Variants in SLC28A2 observed in about 807,000 individuals in gnomAD.
SLC28A2 encodes sodium/nucleoside cotransporter 2.
In SLC28A2, 69 loss-of-function variants were observed where a neutral mutation model predicts 72.9. That is an observed-to-expected ratio of 0.95 (90% CI 0.78 to 1.16). The LOEUF (loss-of-function observed/expected upper bound fraction) is 1.16, where lower values mean the gene tolerates loss of function less well. Ranked by LOEUF, SLC28A2 falls within the 50% of genes most tolerant of loss-of-function variation. The pLI is 0.00. For missense variants in SLC28A2, 745 were observed against 791.1 expected (o/e 0.94, Z 0.70); for synonymous variants, 296 against 294.1 (o/e 1.01, Z -0.07).
intron 9 of SLC28A2, 119 bp from the exon 10 acceptor site, chr15:45,265,962 C>A: frequency 1.3e-6 from 1 of 771,390 alleles, no homozygotes; most frequent in Non-Finnish European, 2.2e-6. Context: ...CCTAGGCTTG[C>A]TGCTCTACTT....
intron 10 of SLC28A2, 35 bp downstream of exon 10, chr15:45,266,196 C>T: frequency 7.1e-7 from 1 of 1,411,098 alleles, no homozygotes; most frequent in South Asian, 1.2e-5. Context: ...CTTCTTCCCT[C>T]TGAGGAACTG....
intron 3 of SLC28A2, among the ~76,000 whole-genome samples, chr15:45,260,344 AGAGTG>A (rs1206206374): frequency 1.1e-4 from 17 of 152,228 alleles, no homozygotes; most frequent in Non-Finnish European, 2.2e-4. Flanking sequence ...CCCAGGGCAC[AGAGTG>A]GAGTGGAGAG....
At chr15:45,255,260 A>AAAAAAAAGAAG (rs1555430625) in intron 3 of SLC28A2, 1 of 151,498 alleles carries the variant, frequency 6.6e-6, no homozygotes, top group Non-Finnish European at 1.5e-5. Context: ...TCTTGAAAAA[A>AAAAAAAAGAAG]AAAAAAGAAG....
intron 15 of SLC28A2, among the ~76,000 whole-genome samples, chr15:45,270,804 T>TTA (rs1900530411): frequency 6.6e-6 from 1 of 151,646 alleles, no homozygotes; most frequent in African/African-American, 2.4e-5. Flanking sequence ...TATTATTATT[T>TTA]TTTTTGTATT....
chr15:45,276,576 T>C lies in SLC28A2; in HGVS notation c.*1063T>C, dbSNP rs1188504980. The C allele has an allele frequency of 1.3e-5, 2 of 152,050 alleles. No individual in the cohort carries two copies. Among genetic ancestry groups the C allele is most frequent in the Non-Finnish European group, 2.9e-5 (2 of 68,010 alleles). The allele number at this position is 152,050 out of a possible 1,614,324, so 9.4% of individuals were successfully genotyped here. A position where few individuals can be genotyped will look rare whatever the true frequency, so the allele number is the denominator to read the frequency against. On this transcript the variant is annotated 3_prime_UTR_variant, in exon 18 of 18. Coordinates refer to ENST00000347644, the MANE Select transcript of SLC28A2 (RefSeq NM_004212.4). ...AATAAATAAAAGAAAAAATAAGTAT[T>C]ACTATGTCAAAAAAGTCTTACAAAT...
chr15:45,271,102 A>G (rs1389532691), intron 15 of SLC28A2, among the ~76,000 whole-genome samples: 1 of 152,234 alleles, frequency 6.6e-6, no homozygotes, highest in African/African-American at 2.4e-5. Context: ...GCAAGTACCA[A>G]ATGTTAAAGG....
intron 17 of SLC28A2, among the ~76,000 whole-genome samples, chr15:45,274,031 T>C (rs1900673153): frequency 6.6e-6 from 1 of 151,986 alleles, no homozygotes; most frequent in Non-Finnish European, 1.5e-5. Context: ...ACTCAAGGGA[T>C]CCTCCCATCT....
chr15:45,267,424 T>G (rs1900372386), intron 10 of SLC28A2, 31 bp from the exon 11 acceptor site: 1 of 1,613,404 alleles, frequency 6.2e-7, no homozygotes, highest in African/African-American at 1.3e-5. Context: ...TACACCTTCT[T>G]GGAATCTGAC....
chr15:45,266,139 C>T lies in SLC28A2; in HGVS notation c.920C>T (p.Ala307Val), dbSNP rs1347089469. The change falls in exon 10 of 18, where the codon GCA becomes GTA. Residue 307 changes from alanine (A) to valine (V), a missense_variant. Coordinates refer to ENST00000347644, the MANE Select transcript of SLC28A2 (RefSeq NM_004212.4). ...ACTGCTACAGAGACCCTGGCTGTGGCAGGAAACATCTTTGTGGGTATGGTA... is the reference window on the plus strand; with the variant it reads ...ACTGCTACAGAGACCCTGGCTGTGGTAGGAAACATCTTTGTGGGTATGGTA... The part of the protein sequence containing the change: ...GTTATETLAV[A>V]GNIFVGMTEA... The T allele has an allele frequency of 6.2e-7, 1 of 1,613,478 alleles. No individual in the cohort carries two copies. The highest frequency in any genetic ancestry group is 2.2e-5 in the East Asian group (1 of 44,884).
In SLC28A2 at chr15:45,270,058, T is replaced by G. The variant is rs906118380; in HGVS notation, c.1567-137T>G. ...ATAGTAACTCAGGGAACAGTTGTTT[T>G]CTGAGCATCCTTTCATGTTCCTTGG... On this transcript the variant is annotated intron_variant, in intron 14 of 17. Coordinates refer to ENST00000347644, the MANE Select transcript of SLC28A2 (RefSeq NM_004212.4). 9 of 649,904 alleles carry G rather than the reference T, an allele frequency of 1.4e-5. No individual in the cohort carries two copies. The Admixed American group carries it at 2.2e-4, about 16-fold the overall frequency. The allele number at this position is 649,904 out of a possible 1,614,324, so 40.3% of individuals were successfully genotyped here. A position where few individuals can be genotyped will look rare whatever the true frequency, so the allele number is the denominator to read the frequency against.
intron 3 of SLC28A2, among the ~76,000 whole-genome samples, chr15:45,260,992 G>A (rs2140565401): frequency 6.6e-6 from 1 of 152,316 alleles, no homozygotes; most frequent in Admixed American, 6.5e-5. Context: ...AACTGGGAGT[G>A]TGTTAGATGG....
intron 6 of SLC28A2, 116 bp downstream of exon 6, chr15:45,264,138 C>G: frequency 1.0e-6 from 1 of 989,784 alleles, no homozygotes; most frequent in Non-Finnish European, 1.4e-6. Context: ...TTCATAACAA[C>G]CCCTAGAATT....
chr15:45,259,598 TTATC>T (rs1313050739), intron 3 of SLC28A2, among the ~76,000 whole-genome samples: 3 of 152,228 alleles, frequency 2.0e-5, no homozygotes, highest in Admixed American at 1.3e-4. Context: ...TTTTATGAGT[TTATC>T]TATCTACCTA....
intron 4 of SLC28A2, 38 bp downstream of exon 4, chr15:45,262,144 TTA>T (rs1900182724): frequency 2.7e-6 from 4 of 1,457,470 alleles, no homozygotes; most frequent in African/African-American, 1.4e-5. Flanking sequence ...AGAAACACAG[TTA>T]TTTTAGAAAT....
At chr15:45,253,401 T>C (rs371137980) in intron 2 of SLC28A2, 31 bp from the exon 3 acceptor site, 32 of 1,594,476 alleles carry the variant, frequency 2.0e-5, no homozygotes, top group Non-Finnish European at 2.6e-5. Context: ...CAGGGCTCCA[T>C]GACTGATCCC....
At chr15:45,268,627 G>C (rs899963034) in intron 13 of SLC28A2, among the ~76,000 whole-genome samples, 1 of 152,160 alleles carries the variant, frequency 6.6e-6, no homozygotes, top group African/African-American at 2.4e-5. Context: ...CAGGGATCTA[G>C]AACTAGAAAT....
At chr15:45,266,980 T>C (rs920924229) in intron 10 of SLC28A2, among the ~76,000 whole-genome samples, 2 of 152,316 alleles carry the variant, frequency 1.3e-5, no homozygotes, top group Admixed American at 1.3e-4. Flanking sequence ...CCCTTCATAA[T>C]TTCATAACAT....
chr15:45,272,835 C>T (rs778522879), intron 17 of SLC28A2, 51 bp downstream of exon 17: 3 of 925,272 alleles, frequency 3.2e-6, no homozygotes, highest in African/African-American at 3.2e-5. Flanking sequence ...CTCAGGTCTC[C>T]ACGGTAATGC....
At position 45,275,728 on chromosome 15, in the gene SLC28A2, G is replaced by A. The variant is rs1900735702; in HGVS notation, c.*215G>A. 3 of 435,330 alleles carry A rather than the reference G, an allele frequency of 6.9e-6. No homozygotes were observed. Among genetic ancestry groups the A allele is most frequent in the Admixed American group, 4.0e-5 (1 of 25,186 alleles). The allele number at this position is 435,330 out of a possible 1,614,324, so 27.0% of individuals were successfully genotyped here. On this transcript the variant is annotated 3_prime_UTR_variant, in exon 18 of 18. Coordinates refer to ENST00000347644, the MANE Select transcript of SLC28A2 (RefSeq NM_004212.4). The stretch of plus-strand genomic sequence containing the variant: ...AGGCGGGCGGATCACAAGGTCAGGA[G>A]ATCGAGACCATCCTGGCTAACACAG...
Sources: allele counts gnomAD v4.1 joint callset (sites outside exome capture counted in the v4.1 genomes callset), GRCh38; gene constraint gnomAD v4.1.1; transcripts MANE v1.5; gene names NCBI Gene and HGNC (gene_info 2026-07-23, HGNC 2026-07-21).